RYR3: variants seen among roughly 807,000 people sequenced by gnomAD.
RYR3 encodes the protein brain ryanodine receptor-calcium release channel.
RYR3 carries 207 observed loss-of-function variants against 584.3 expected under a neutral mutation model. The ratio of observed to expected loss-of-function variants is 0.35; its 90% CI spans 0.32 to 0.40. The LOEUF (loss-of-function observed/expected upper bound fraction) is 0.40, where lower values mean the gene tolerates loss of function less well. RYR3 is among the 10% of genes least tolerant of loss of function. RYR3 has a pLI of 1.00. For missense variants in RYR3, 5,616 were observed against 6,089.2 expected, an observed-to-expected ratio of 0.92 and a Z score of 2.59; for synonymous variants, 2,416 against 2,248.5, an observed-to-expected ratio of 1.07 and a Z score of -2.11.
At chr15:33,611,222 A>G (rs922800115) in intron 18 of RYR3, among the ~76,000 whole-genome samples, 1 of 152,170 alleles carries the variant, frequency 6.6e-6, no homozygotes. Flanking sequence ...AATTAGTAGA[A>G]CAAGCTACAA....
chr15:33,861,344 T>C (rs183082064), intron 102 of RYR3, among the ~76,000 whole-genome samples, 166 bp downstream of exon 102: 3 of 152,320 alleles, frequency 2.0e-5, no homozygotes, highest in East Asian at 3.9e-4. Flanking sequence ...CCATGTGTGA[T>C]AGACGTGTGT....
rs575688215 is a variant in RYR3, at chr15:33,857,881, C to G, written c.14109C>G (p.Asp4703Glu). ...RKFYNKSEDD[D>E]EPDMKCDDMM... ...TCTACAACAAAAGCGAAGACGATGA[C>G]GAGCCCGATATGAAGTGCGACGACA... Residue 4703 changes from aspartate to glutamate, a missense_variant, in exon 99 of 104, where the codon GAC becomes GAG. Physicochemically the swap from Asp to Glu is conservative, Grantham distance 45. Transcript: ENST00000634891. 2.5e-6 allele frequency: 4 copies of G among 1,614,124 alleles called. No homozygotes were observed. Among genetic ancestry groups the G allele is most frequent in the East Asian group, 2.2e-5 (1 of 44,888 alleles).
At chr15:33,808,990 G>T (rs2076360099) in intron 70 of RYR3, among the ~76,000 whole-genome samples, 1 of 152,148 alleles carries the variant, frequency 6.6e-6, no homozygotes, top group South Asian at 2.1e-4. Flanking sequence ...ATACTGTGAT[G>T]CAACCACCTG....
chr15:33,538,823 G>C (rs2055556426), intron 5 of RYR3, among the ~76,000 whole-genome samples: 1 of 152,088 alleles, frequency 6.6e-6, no homozygotes, highest in South Asian at 2.1e-4. Context: ...GCTTCCACCT[G>C]CTTTCCTTTT....
chr15:33,747,419 CTTTTT>C (rs397854038), intron 53 of RYR3, among the ~76,000 whole-genome samples: 1 of 71,912 alleles, frequency 1.4e-5, no homozygotes, highest in Non-Finnish European at 2.4e-5. Context: ...TGTTGTCACC[CTTTTT>C]TTTTTTTTTT....
rs35065336 is a variant in RYR3, at chr15:33,470,463, C to CAA, written c.52-2945_52-2944dup. The stretch of plus-strand genomic sequence containing the variant: ...CCCAGAGTTGTGTTATTTTCTCTAT[C>CAA]AAAAAAAAAAAATCAACAGTCCTCC... On this transcript the variant is annotated intron_variant, in intron 1 of 103. Coordinates refer to ENST00000634891, the MANE Select transcript of RYR3 (RefSeq NM_001036.6). Among the ~76,000 whole-genome samples the CAA allele has an allele frequency of 2.1e-5, 3 of 142,270 alleles. No individual in the cohort carries two copies. In the South Asian group the frequency reaches 6.7e-4, roughly 32 times the overall value. 93.3% of individuals were successfully genotyped at this position (142,270 alleles called of 152,430 possible).
chr15:33,662,862 G>T lies in RYR3; in HGVS notation c.5332G>T (p.Ala1778Ser), dbSNP rs1490900023. 6.2e-7 allele frequency: 1 copy of T among 1,613,810 alleles called. No individual in the cohort carries two copies. The highest frequency in any genetic ancestry group is 8.5e-7 in the Non-Finnish European group (1 of 1,179,896). The stretch of plus-strand genomic sequence containing the variant: ...GGAAGTGACCCAGGTGGAGGAGAAG[G>T]CTGTGGAGGCTGGGGAGAAGGCCGG... ...KEEVTQVEEKAVEAGEKAGKE... is the reference protein window; with the variant it reads ...KEEVTQVEEKSVEAGEKAGKE... The change falls in exon 35 of 104, where the codon GCT becomes TCT. Residue 1778 changes from alanine to serine, a missense_variant. Physicochemically the swap from Ala to Ser is moderately conservative, Grantham distance 99. This residue lies in a region of RYR3 where 753 missense variants were observed against 741.0 expected (regional missense o/e 1.02). Transcript: ENST00000634891.
At chr15:33,672,362 G>A (rs959266402) in intron 38 of RYR3, among the ~76,000 whole-genome samples, 6 of 152,166 alleles carry the variant, frequency 3.9e-5, no homozygotes, top group African/African-American at 7.2e-5. Flanking sequence ...ACGCACACCC[G>A]AGAGGCCAGC....
intron 1 of RYR3, among the ~76,000 whole-genome samples, chr15:33,379,668 T>C (rs975405955): frequency 1.2e-5 from 1 of 86,764 alleles, no homozygotes; most frequent in Non-Finnish European, 2.4e-5. Flanking sequence ...TGTGTGTCCC[T>C]CTCTCTCTCT....
intron 1 of RYR3, among the ~76,000 whole-genome samples, chr15:33,453,428 A>G (rs1189372422): frequency 2.6e-5 from 4 of 152,160 alleles, no homozygotes; most frequent in African/African-American, 9.7e-5. Context: ...GTATGTGGCT[A>G]AAGGAAACAA....
At chr15:33,639,766 A>G (rs1039166814) in intron 27 of RYR3, among the ~76,000 whole-genome samples, 1 of 152,178 alleles carries the variant, frequency 6.6e-6, no homozygotes, top group African/African-American at 2.4e-5. Flanking sequence ...CCTCTTATGC[A>G]TCATAGATTA....
chr15:33,863,823 ATTTTATTG>A (rs1889425101), intron 102 of RYR3, among the ~76,000 whole-genome samples: 1 of 152,178 alleles, frequency 6.6e-6, no homozygotes, highest in South Asian at 2.1e-4. Flanking sequence ...TTGGGCTACC[ATTTTATTG>A]TTTTATTAGA....
intron 47 of RYR3, among the ~76,000 whole-genome samples, chr15:33,729,421 C>T (rs1228252638): frequency 6.6e-6 from 1 of 152,078 alleles, no homozygotes; most frequent in African/African-American, 2.4e-5. Flanking sequence ...GACAAAATCA[C>T]CCTCTGGTGA....
At chr15:33,366,060 G>A (rs1046719829) in intron 1 of RYR3, among the ~76,000 whole-genome samples, 25 of 152,146 alleles carry the variant, frequency 1.6e-4, no homozygotes, top group South Asian at 2.1e-4. Flanking sequence ...AGAATTGTGC[G>A]TGGAAACTAA....
chr15:33,524,690 T>G (rs975207866), intron 3 of RYR3, among the ~76,000 whole-genome samples: 3 of 152,204 alleles, frequency 2.0e-5, no homozygotes, highest in Non-Finnish European at 4.4e-5. Context: ...TTCCCCACTT[T>G]TGCAAATTTT....
At chr15:33,501,727 G>A (rs1288783817) in intron 2 of RYR3, among the ~76,000 whole-genome samples, 2 of 152,158 alleles carry the variant, frequency 1.3e-5, no homozygotes, top group South Asian at 2.1e-4. Flanking sequence ...ATGGTATAAG[G>A]TCTTAAGGAA....
At chr15:33,557,210 C>G in intron 10 of RYR3, among the ~76,000 whole-genome samples, 1 of 152,228 alleles carries the variant, frequency 6.6e-6, no homozygotes, top group East Asian at 1.9e-4. Flanking sequence ...TAGGATAATA[C>G]AAGCCATAGG....
chr15:33,451,655 G>A (rs1249711559), intron 1 of RYR3, among the ~76,000 whole-genome samples: 2 of 152,204 alleles, frequency 1.3e-5, no homozygotes, highest in East Asian at 1.9e-4. Context: ...GCCTAGTCCA[G>A]TGCAGACAGG....
At chr15:33,554,722 A>G (rs951724363) in intron 10 of RYR3, among the ~76,000 whole-genome samples, 7 of 152,206 alleles carry the variant, frequency 4.6e-5, no homozygotes, top group African/African-American at 1.4e-4. Context: ...TCAAATTTCT[A>G]TGAACTTGAT....
Sources: gnomAD v4.1 joint callset for allele counts (sites outside exome capture counted in the v4.1 genomes callset) on GRCh38, gnomAD v4.1.1 for gene constraint, gnomAD v4.1.1 regional missense constraint, MANE v1.5 for transcripts, NCBI Gene and HGNC (gene_info 2026-07-23, HGNC 2026-07-21) for gene names.